Variants in UGT1A6 observed in about 807,000 individuals in gnomAD.
UGT1A6 encodes UDP-glucuronosyltransferase 1A6.
Under a neutral mutation model 44.4 loss-of-function variants are expected in UGT1A6, and 32 were observed. The observed-to-expected ratio is 0.72, with a 90% CI of 0.54 to 0.97. UGT1A6 has a LOEUF of 0.97. Among genes scored for constraint, UGT1A6 ranks in the 50% least tolerant of loss-of-function variants. The pLI is 0.00. For missense variants in UGT1A6, 685 were observed against 661.9 expected, an observed-to-expected ratio of 1.03 and a Z score of -0.38; for synonymous variants, 238 against 248.5, an observed-to-expected ratio of 0.96 and a Z score of 0.40.
chr2:233,730,435 C>G (rs1237158749), intron 1 of UGT1A6, among the ~76,000 whole-genome samples: 2 of 152,178 alleles, frequency 1.3e-5, no homozygotes, highest in African/African-American at 2.4e-5. Flanking sequence ...GTTGTCCCAT[C>G]TTGCAAATGA....
rs1423413232 is a variant in UGT1A6, at chr2:233,693,611, A to T, written c.607A>T (p.Met203Leu). 1 of 1,614,080 alleles carries T rather than the reference A, an allele frequency of 6.2e-7. No homozygotes were observed. Among genetic ancestry groups the T allele is most frequent in the African/African-American group, 1.3e-5 (1 of 74,920 alleles). ...PRCYTKFSDHMTFSQRVANFL... is the reference protein window; with the variant it reads ...PRCYTKFSDHLTFSQRVANFL... Reference sequence around the variant, plus strand: ...GTGCTACACAAAGTTTTCAGACCACATGACTTTTTCCCAACGAGTGGCCAA... The same window carrying T: ...GTGCTACACAAAGTTTTCAGACCACTTGACTTTTTCCCAACGAGTGGCCAA... Residue 203 changes from methionine to leucine, a missense_variant, in exon 1 of 5, where the codon ATG (methionine) becomes TTG (leucine). Coordinates refer to ENST00000305139, the MANE Select transcript of UGT1A6 (RefSeq NM_001072.4).
At chr2:233,730,495 C>G (rs755045545) in intron 1 of UGT1A6, among the ~76,000 whole-genome samples, 1 of 152,092 alleles carries the variant, frequency 6.6e-6, no homozygotes, top group African/African-American at 2.4e-5. Context: ...ATAGAAGTGT[C>G]AGAGAGGTTG....
At chr2:233,742,146 G>A (rs1312882014) in intron 1 of UGT1A6, among the ~76,000 whole-genome samples, 1 of 151,928 alleles carries the variant, frequency 6.6e-6, no homozygotes, top group Admixed American at 6.5e-5. Context: ...AGCAGCGCTA[G>A]ACGAATTAAA....
intron 1 of UGT1A6, among the ~76,000 whole-genome samples, chr2:233,715,215 C>T (rs930833996): frequency 2.6e-5 from 4 of 152,140 alleles, no homozygotes; most frequent in Non-Finnish European, 5.9e-5. Context: ...AGACCCTCTA[C>T]TGAATCTGCC....
intron 1 of UGT1A6, among the ~76,000 whole-genome samples, chr2:233,725,069 C>G (rs1374250230): frequency 2.7e-5 from 4 of 146,562 alleles, no homozygotes; most frequent in Non-Finnish European, 4.5e-5. Context: ...CGCCTGCAAT[C>G]GCAGGCACTC....
chr2:233,719,370 G>T, intron 1 of UGT1A6: 1 of 1,613,830 alleles, frequency 6.2e-7, no homozygotes. Context: ...AGACTTTAAG[G>T]GCACACAGTG....
intron 1 of UGT1A6, among the ~76,000 whole-genome samples, chr2:233,757,409 T>C (rs1456650401): frequency 6.6e-6 from 1 of 151,334 alleles, no homozygotes; most frequent in Non-Finnish European, 1.5e-5. Context: ...ATGCAGGGTC[T>C]AGAACGAAAA....
At chr2:233,765,064 G>A (rs1050662538) in intron 1 of UGT1A6, among the ~76,000 whole-genome samples, 2 of 152,202 alleles carry the variant, frequency 1.3e-5, no homozygotes, top group Admixed American at 1.3e-4. Flanking sequence ...CCTGTCAGAG[G>A]TCTCCTGTGT....
In UGT1A6 at chr2:233,728,656, G is replaced by C. The variant is rs187762667; in HGVS notation, c.861+34791G>C. Among the ~76,000 whole-genome samples, 9 of 152,298 alleles carry C rather than the reference G, an allele frequency of 5.9e-5. No homozygotes were observed. In the East Asian group the frequency reaches 1.4e-3, roughly 23 times the overall value. On this transcript the variant is annotated intron_variant, in intron 1 of 4. Coordinates refer to ENST00000305139, the MANE Select transcript of UGT1A6 (RefSeq NM_001072.4). ...GCAATGTTGTATGGTTTTTGGATGC[G>C]CTGCGTTACTCATACATGAGAAGAA...
At chr2:233,753,960 G>C (rs563043918) in intron 1 of UGT1A6, among the ~76,000 whole-genome samples, 1 of 152,300 alleles carries the variant, frequency 6.6e-6, no homozygotes, top group East Asian at 1.9e-4. Flanking sequence ...AAAATATTAA[G>C]AGAATAACGT....
intron 1 of UGT1A6, among the ~76,000 whole-genome samples, chr2:233,738,445 C>T (rs1322346055): frequency 2.6e-5 from 4 of 152,306 alleles, no homozygotes; most frequent in Non-Finnish European, 5.9e-5. Context: ...GCTCAGAAGA[C>T]AGGAAGATGT....
At chr2:233,694,255 C>G (rs2075208308) in intron 1 of UGT1A6, among the ~76,000 whole-genome samples, 1 of 151,978 alleles carries the variant, frequency 6.6e-6, no homozygotes, top group African/African-American at 2.4e-5. Context: ...GAGCCAGGGA[C>G]CAGCGAACTA....
intron 1 of UGT1A6, among the ~76,000 whole-genome samples, chr2:233,724,466 G>T (rs1369027656): frequency 2.6e-5 from 2 of 77,260 alleles, no homozygotes; most frequent in African/African-American, 4.9e-5. Context: ...GGGCGGAGGG[G>T]CTCCTCACTT....
At chr2:233,770,680 G>T (rs940972002) in intron 4 of UGT1A6, 1 of 151,464 alleles carries the variant, frequency 6.6e-6, no homozygotes, top group African/African-American at 2.4e-5. Flanking sequence ...AAAAAAGAAG[G>T]TTCCAAGAAA....
chr2:233,755,294 G>A, intron 1 of UGT1A6: 1 of 630,960 alleles, frequency 1.6e-6, no homozygotes. Flanking sequence ...GAGCCTGCGG[G>A]GCACTGGCAC....
chr2:233,715,569 T>C (rs1403314383), intron 1 of UGT1A6, among the ~76,000 whole-genome samples: 3 of 152,040 alleles, frequency 2.0e-5, no homozygotes, highest in Non-Finnish European at 4.4e-5. Context: ...CCCAGGAGTC[T>C]GAGAGCAGCC....
chr2:233,765,286 A>G (rs1698795381), intron 1 of UGT1A6, among the ~76,000 whole-genome samples: 1 of 152,246 alleles, frequency 6.6e-6, no homozygotes. Flanking sequence ...AAATTATTCT[A>G]CTATAAAGAC....
At chr2:233,748,126 T>C (rs1272435639) in intron 1 of UGT1A6, 15 of 1,610,568 alleles carry the variant, frequency 9.3e-6, no homozygotes, top group Non-Finnish European at 1.3e-5. Flanking sequence ...GCAAAACAGT[T>C]TTTAAAAATT....
chr2:233,713,150 G>C (rs190570057), intron 1 of UGT1A6: 82 of 1,614,120 alleles, frequency 5.1e-5, no homozygotes, highest in Non-Finnish European at 6.3e-5. Flanking sequence ...ACCTCCATGC[G>C]AGAGGCCACC....
Sources: allele counts gnomAD v4.1 joint callset (sites outside exome capture counted in the v4.1 genomes callset), GRCh38; gene constraint gnomAD v4.1.1; transcripts MANE v1.5; gene names NCBI Gene and HGNC (gene_info 2026-07-23, HGNC 2026-07-21).